BBOF1: variants seen among roughly 807,000 people sequenced by gnomAD.
BBOF1 encodes basal body-orientation factor 1.
In BBOF1, 62 loss-of-function variants were observed where a neutral mutation model predicts 68.0. The observed-to-expected ratio is 0.91, with a 90% CI of 0.74 to 1.13. BBOF1 has a LOEUF of 1.13. Ranked by LOEUF, BBOF1 falls within the 50% of genes most tolerant of loss-of-function variation. The pLI is 0.00. For missense variants in BBOF1, 534 were observed against 600.1 expected, an observed-to-expected ratio of 0.89 and a Z score of 1.15; for synonymous variants, 208 against 198.8, an observed-to-expected ratio of 1.05 and a Z score of -0.39.
chr14:74,041,014 T>C (rs2059815164), intron 5 of BBOF1, among the ~76,000 whole-genome samples: 1 of 152,122 alleles, frequency 6.6e-6, no homozygotes, highest in Non-Finnish European at 1.5e-5. Flanking sequence ...GAGCTAAAGA[T>C]GTTAATAAAA....
intron 3 of BBOF1, among the ~76,000 whole-genome samples, chr14:74,033,780 G>C (rs1247122457): frequency 6.6e-6 from 1 of 151,612 alleles, no homozygotes; most frequent in Non-Finnish European, 1.5e-5. Flanking sequence ...GCAAGAGAAT[G>C]GCGTGAACCC....
rs369823994 is a variant in BBOF1 at position 74,022,552 on chromosome 14, GA to G, written c.57-354del. 9.6e-3 allele frequency among the ~76,000 whole-genome samples: 1,413 copies of G among 147,850 alleles called. 25 individuals are homozygous for G. The highest frequency in any genetic ancestry group is 0.033 in the African/African-American group (1,353 of 40,434). On this transcript the variant is annotated intron_variant, in intron 1 of 11. Coordinates refer to ENST00000394009, the MANE Select transcript of BBOF1 (RefSeq NM_025057.3). Reference sequence around the variant, plus strand: ...ACACAGCCAGGCCCAGTTTCAAAAAGAAAAAAAAAAGATATGAAAGCTTTCT... The same window carrying G: ...ACACAGCCAGGCCCAGTTTCAAAAAGAAAAAAAAAGATATGAAAGCTTTCT...
chr14:74,063,169 G>A (rs567020879), intron 11 of BBOF1, among the ~76,000 whole-genome samples: 1 of 151,628 alleles, frequency 6.6e-6, no homozygotes, highest in African/African-American at 2.4e-5. Context: ...GTTGGCCGAT[G>A]TGGCAATAGT....
At chr14:74,021,863 C>T (rs1204759762) in intron 1 of BBOF1, among the ~76,000 whole-genome samples, 6 of 151,660 alleles carry the variant, frequency 4.0e-5, no homozygotes, top group East Asian at 3.9e-4. Flanking sequence ...GCCGAGATCA[C>T]GCCACTGCTC....
rs3742807 is a variant in BBOF1 at position 74,057,295 on chromosome 14, T to C, written c.1578+37T>C. On this transcript the variant is annotated intron_variant, in intron 11 of 11. Transcript: ENST00000394009. Reference sequence around the variant, plus strand: ...GTATCTAATCAAACAATGTATATTGTTGTCACCCTTCCCCATGTCGCTTCT... The same window carrying C: ...GTATCTAATCAAACAATGTATATTGCTGTCACCCTTCCCCATGTCGCTTCT... 3,580 of 1,613,732 alleles carry C rather than the reference T, an allele frequency of 2.2e-3. 162 individuals carry two copies. The East Asian group carries it at 0.072, about 33-fold the overall frequency.
intron 9 of BBOF1, among the ~76,000 whole-genome samples, chr14:74,076,359 T>C (rs572266172): frequency 1.6e-4 from 25 of 152,216 alleles, no homozygotes; most frequent in Admixed American, 1.6e-3. Context: ...TCTGTATATA[T>C]GTTATCAAAG....
intron 4 of BBOF1, among the ~76,000 whole-genome samples, chr14:74,038,105 C>G (rs2059750405): frequency 6.6e-6 from 1 of 151,846 alleles, no homozygotes; most frequent in Admixed American, 6.6e-5. Flanking sequence ...TTTATCTTAT[C>G]TCCCCTAATA....
At chr14:74,071,342 T>C (rs764466341) in intron 9 of BBOF1, 2 of 1,614,074 alleles carry the variant, frequency 1.2e-6, no homozygotes, top group South Asian at 2.2e-5. Context: ...ATGGGAAACA[T>C]CCAAAGGGGG....
intron 8 of BBOF1, among the ~76,000 whole-genome samples, chr14:74,052,737 C>T (rs938224014): frequency 6.6e-6 from 1 of 152,002 alleles, no homozygotes. Context: ...TGGCTCATGC[C>T]TGTAATTCCA....
rs2059989993 is a variant in BBOF1, at chr14:74,048,057, T to C, written c.775T>C (p.Leu259=). 1 of 1,610,110 alleles carries C rather than the reference T, an allele frequency of 6.2e-7. No homozygotes were observed. Among genetic ancestry groups the C allele is most frequent in the Admixed American group, 1.7e-5 (1 of 59,072 alleles). The change falls in exon 7 of 12, where the codon TTA becomes CTA. Residue 259 remains leucine, a synonymous_variant. Transcript: ENST00000394009. ...NSQKLQESHT[L]LLHQKEINDL... ...CCAGAAGTTGCAAGAGAGTCATACT[T>C]TACTTTTACATCAAAAGGTTCCCTC...
At position 74,029,258 on chromosome 14, in the gene BBOF1, T is replaced by C; in HGVS notation, c.351+9T>C. ...AGGAGAAGGATAAATTGGTGAGTTA[T>C]CTATGTGTACTAATACTCCACTTAC... On this transcript the variant is annotated intron_variant, in intron 3 of 11. Coordinates refer to ENST00000394009, the MANE Select transcript of BBOF1 (RefSeq NM_025057.3). The C allele has an allele frequency of 6.5e-7, 1 of 1,527,856 alleles. No homozygotes were observed. The highest frequency in any genetic ancestry group is 2.4e-5 in the East Asian group (1 of 41,920). The allele number at this position is 1,527,856 out of a possible 1,614,324, so 94.6% of individuals were successfully genotyped here. A position where few individuals can be genotyped will look rare whatever the true frequency, so the allele number is the denominator to read the frequency against.
At chr14:74,069,101 C>CTTTTTTTTTTTTTTTT (rs900873855), downstream of BBOF1, 2 of 383,114 alleles carry the variant, frequency 5.2e-6, no homozygotes, top group African/African-American at 3.2e-5. Flanking sequence ...TTTACTTTTT[C>CTTTTTTTTTTTTTTTT]TTTTTTTTTT....
Position 74,065,032 on chromosome 14 carries a change from C to T in BBOF1, c.*333C>T. On this transcript the variant is annotated 3_prime_UTR_variant, in exon 12 of 12. Transcript: ENST00000394009. ...TACCCACCTTCTACCCTATCCTCTA[C>T]CCCATGAACTTTCATTCCTGAGGAA... 1 of 1,370,050 alleles carries T rather than the reference C, an allele frequency of 7.3e-7. No homozygotes were observed. The highest frequency in any genetic ancestry group is 1.2e-5 in the South Asian group (1 of 82,254). The allele number at this position is 1,370,050 out of a possible 1,614,324, so 84.9% of individuals were successfully genotyped here.
chr14:74,065,822 A>G lies in BBOF1; in HGVS notation c.*1123A>G, dbSNP rs551908560. The G allele has an allele frequency of 6.2e-5, 11 of 177,614 alleles. No individual in the cohort carries two copies. In the South Asian group the frequency reaches 1.4e-3, roughly 22 times the overall value. The allele number at this position is 177,614 out of a possible 1,614,324, so 11.0% of individuals were successfully genotyped here. On this transcript the variant is annotated 3_prime_UTR_variant, in exon 12 of 12. Transcript: ENST00000394009. ...TTATTCACTCCTTTGCCTCCCAAAT[A>G]TGTCTGTATGTTTATATTTTGATAT... is the stretch of plus-strand genomic sequence containing the variant.
At chr14:74,067,536 C>T (rs781356251), downstream of BBOF1, 1 of 1,614,136 alleles carries the variant, frequency 6.2e-7, no homozygotes, top group South Asian at 1.1e-5. Flanking sequence ...TCCTTATTGG[C>T]ATCTGGCATG....
intron 5 of BBOF1, among the ~76,000 whole-genome samples, chr14:74,045,130 A>G (rs982576383): frequency 6.6e-6 from 1 of 152,180 alleles, no homozygotes; most frequent in African/African-American, 2.4e-5. Context: ...TACATGTAAC[A>G]TTCTTAGAAC....
intron 6 of BBOF1, among the ~76,000 whole-genome samples, chr14:74,047,157 G>A (rs2059968429): frequency 6.6e-6 from 1 of 152,148 alleles, no homozygotes; most frequent in African/African-American, 2.4e-5. Context: ...ATCTTGCAGG[G>A]TTGTCATGAG....
chr14:74,035,050 C>T (rs372206154), intron 4 of BBOF1, among the ~76,000 whole-genome samples: 12 of 151,942 alleles, frequency 7.9e-5, no homozygotes, highest in Admixed American at 3.3e-4. Context: ...TGTGATTGCA[C>T]GACTGCACTC....
intron 4 of BBOF1, 100 bp downstream of exon 4, chr14:74,034,271 C>G: frequency 1.4e-6 from 1 of 722,264 alleles, no homozygotes; most frequent in Non-Finnish European, 2.0e-6. Context: ...CGGCAAAGAA[C>G]TCTCTTTGAC....
Sources: allele counts gnomAD v4.1 joint callset (sites outside exome capture counted in the v4.1 genomes callset), GRCh38; gene constraint gnomAD v4.1.1; transcripts MANE v1.5; gene names NCBI Gene and HGNC (gene_info 2026-07-23, HGNC 2026-07-21).